The following TMCO5A variants were observed in gnomAD, a reference collection of about 807,000 sequenced individuals.
The protein encoded by TMCO5A is transmembrane and coiled-coil domains 5A.
In TMCO5A, 34 loss-of-function variants were observed where a neutral mutation model predicts 42.3. That is an observed-to-expected ratio of 0.80 (90% confidence interval 0.61 to 1.07). The LOEUF is 1.07. TMCO5A is among the 50% of genes least tolerant of loss of function. The pLI, the probability that TMCO5A is intolerant of heterozygous loss-of-function variation, is 0.00. For missense variants in TMCO5A, 357 were observed against 327.9 expected (o/e 1.09, Z -0.69); for synonymous variants, 131 against 115.6 (o/e 1.13, Z -0.86).
chr15:37,955,321 A>T (rs570564108), downstream of TMCO5A, among the ~76,000 whole-genome samples: 30 of 152,028 alleles, frequency 2.0e-4, no homozygotes, highest in African/African-American at 7.0e-4. Flanking sequence ...GAAAAGACCA[A>T]TAACAAGTAA....
At chr15:38,010,534 G>A in the TMCO5A span, among the ~76,000 whole-genome samples, 1 of 151,418 alleles carries the variant, frequency 6.6e-6, no homozygotes, top group Admixed American at 6.6e-5. Flanking sequence ...ATGTTATCAC[G>A]AGCGAAGGAA....
the TMCO5A span, among the ~76,000 whole-genome samples, chr15:38,010,383 C>CAAA: frequency 3.7e-3 from 151 of 40,308 alleles, 16 homozygotes; most frequent in African/African-American, 5.0e-3. Context: ...ACTCCGTCTC[C>CAAA]AAAAAAAAAA....
At chr15:37,993,555 T>C in the TMCO5A span, 1 of 152,150 alleles carries the variant, frequency 6.6e-6, no homozygotes, top group Non-Finnish European at 1.5e-5. Flanking sequence ...ATTTTAAATA[T>C]CTGGTTCCCA....
At chr15:37,972,079 G>A (rs1006728261), downstream of TMCO5A, among the ~76,000 whole-genome samples, 1 of 152,260 alleles carries the variant, frequency 6.6e-6, no homozygotes, top group African/African-American at 2.4e-5. Flanking sequence ...CACTGCTGAT[G>A]AAGACATACC....
chr15:37,999,098 G>T, the TMCO5A span, among the ~76,000 whole-genome samples: 1 of 152,156 alleles, frequency 6.6e-6, no homozygotes, highest in East Asian at 1.9e-4. Flanking sequence ...TAGAGATGGA[G>T]TTTCTCCGTG....
chr15:37,980,637 CAAAAAAAAAA>C, the TMCO5A span, among the ~76,000 whole-genome samples: 12 of 83,178 alleles, frequency 1.4e-4, no homozygotes, highest in Admixed American at 3.2e-4. Flanking sequence ...GCCATCTTGG[CAAAAAAAAAA>C]AAAAAAAAAA....
chr15:37,973,594 A>C, the TMCO5A span, among the ~76,000 whole-genome samples: 1 of 151,912 alleles, frequency 6.6e-6, no homozygotes, highest in South Asian at 2.1e-4. Flanking sequence ...TGCATTGCCC[A>C]GTGATTTTTG....
the TMCO5A span, among the ~76,000 whole-genome samples, chr15:37,980,764 G>C: frequency 6.6e-6 from 1 of 151,862 alleles, no homozygotes; most frequent in African/African-American, 2.4e-5. Context: ...CATCAAACTG[G>C]ACTTCATTCT....
downstream of TMCO5A, among the ~76,000 whole-genome samples, chr15:37,954,436 T>C (rs1233962684): frequency 6.6e-6 from 1 of 152,126 alleles, no homozygotes; most frequent in Non-Finnish European, 1.5e-5. Context: ...ACATTTATCC[T>C]GCAATAGTAT....
chr15:37,986,272 T>C, the TMCO5A span, among the ~76,000 whole-genome samples: 1 of 152,018 alleles, frequency 6.6e-6, no homozygotes, highest in Admixed American at 6.6e-5. Flanking sequence ...AGCTTCTGCT[T>C]AGAAGCCATA....
the TMCO5A span, among the ~76,000 whole-genome samples, chr15:38,007,693 T>A: frequency 1.3e-5 from 2 of 152,012 alleles, no homozygotes; most frequent in African/African-American, 4.8e-5. Flanking sequence ...AATAAAATTG[T>A]GTTAGTGAAC....
intron 11 of TMCO5A, among the ~76,000 whole-genome samples, chr15:37,963,899 T>C (rs972999092): frequency 1.3e-5 from 2 of 152,168 alleles, no homozygotes; most frequent in Non-Finnish European, 2.9e-5. Flanking sequence ...CTCCCTTCAC[T>C]TCTTGTTTCA....
At chr15:37,934,952 A>G (rs186194314) in intron 1 of TMCO5A, among the ~76,000 whole-genome samples, 1 of 152,128 alleles carries the variant, frequency 6.6e-6, no homozygotes, top group African/African-American at 2.4e-5. Flanking sequence ...CTATTTCTTT[A>G]TATTGTCTTG....
At chr15:37,965,810 T>C (rs1890541480) in intron 11 of TMCO5A, among the ~76,000 whole-genome samples, 2 of 152,222 alleles carry the variant, frequency 1.3e-5, no homozygotes, top group Admixed American at 6.5e-5. Flanking sequence ...TTAGTGGGAA[T>C]GTAAGTTAGT....
chr15:38,021,587 A>C, the TMCO5A span, among the ~76,000 whole-genome samples: 2 of 152,166 alleles, frequency 1.3e-5, no homozygotes, highest in Non-Finnish European at 2.9e-5. Flanking sequence ...TTTGTCCAGA[A>C]GGAAAGGGAG....
chr15:37,962,552 C>T (rs1017380742), intron 11 of TMCO5A, among the ~76,000 whole-genome samples: 4 of 151,832 alleles, frequency 2.6e-5, no homozygotes, highest in African/African-American at 9.7e-5. Flanking sequence ...GCTGGCTTCA[C>T]AGAATGAATT....
downstream of TMCO5A, among the ~76,000 whole-genome samples, chr15:37,952,763 C>T (rs1004535668): frequency 1.3e-5 from 2 of 152,174 alleles, no homozygotes; most frequent in African/African-American, 4.8e-5. Context: ...CCCTTGGGTT[C>T]CCAATTTCAG....
At chr15:37,982,607 T>C in the TMCO5A span, among the ~76,000 whole-genome samples, 1 of 126,730 alleles carries the variant, frequency 7.9e-6, no homozygotes, top group Non-Finnish European at 1.5e-5. Flanking sequence ...ATTTATAATA[T>C]ATAATTATAT....
At chr15:37,936,751 A>C in intron 3 of TMCO5A, 96 bp from the exon 4 acceptor site, 3 of 1,526,506 alleles carry the variant, frequency 2.0e-6, no homozygotes, top group Non-Finnish European at 2.7e-6. Context: ...ATTCATGTAC[A>C]CTGTCCCTGA....
Sources: allele counts gnomAD v4.1 joint callset (sites outside exome capture counted in the v4.1 genomes callset), GRCh38; gene constraint gnomAD v4.1.1; transcripts MANE v1.5; gene names NCBI Gene and HGNC (gene_info 2026-07-23, HGNC 2026-07-21).